Variants in PSTK observed in about 807,000 individuals in gnomAD.
The protein encoded by PSTK is phosphoseryl-tRNA kinase, also known as L-seryl-tRNA(Sec) kinase.
Under a neutral mutation model 38.6 loss-of-function variants are expected in PSTK, and 26 were observed. The ratio of observed to expected loss-of-function variants is 0.67; its 90% confidence interval spans 0.49 to 0.94. PSTK has a LOEUF of 0.94. PSTK is among the 40% of genes least tolerant of loss of function. The pLI is 0.00. For missense variants in PSTK, 445 were observed against 436.3 expected (o/e 1.02, Z -0.18); for synonymous variants, 181 against 161.7 (o/e 1.12, Z -0.91).
chr10:122,988,429 G>A (rs1849064804), intron 5 of PSTK, among the ~76,000 whole-genome samples: 1 of 151,914 alleles, frequency 6.6e-6, no homozygotes, highest in African/African-American at 2.4e-5. Flanking sequence ...TTGGGGTCAG[G>A]GGAGGTAGTA....
Position 122,983,445 on chromosome 10 carries a change from A to T in PSTK, c.682A>T (p.Ser228Cys), listed in dbSNP as rs1211370541. 6.2e-7 allele frequency: 1 copy of T among 1,613,632 alleles called. No homozygotes were observed. The highest frequency in any genetic ancestry group is 1.7e-5 in the Admixed American group (1 of 60,024). The change falls in exon 3 of 6, where the codon AGT becomes TGT. Residue 228 changes from serine (S) to cysteine (C), a missense_variant. Ser to Cys is a moderately radical substitution (Grantham distance 112, BLOSUM62 -1). Coordinates refer to ENST00000406217, the MANE Select transcript of PSTK (RefSeq NM_001363531.2). ...GGAACACAACAGCCTCACAATTCCG[A>T]GTCCAGCATGTGCTTCGGAGGCCAG... ...AWEHNSLTIP[S>C]PACASEASLE... is the part of the protein sequence containing the mutation.
chr10:122,981,019 A>G (rs955027836), intron 1 of PSTK, among the ~76,000 whole-genome samples: 6 of 152,240 alleles, frequency 3.9e-5, no homozygotes, highest in African/African-American at 1.4e-4. Context: ...TCAGCGTGCA[A>G]GGTGGAAAGC....
intron 3 of PSTK, 184 bp downstream of exon 3, chr10:122,983,654 T>G (rs1216977188): frequency 6.7e-6 from 4 of 593,528 alleles, no homozygotes; most frequent in Non-Finnish European, 1.2e-5. Context: ...GAACCCAAGT[T>G]TATTTGCAAA....
At chr10:122,987,540 T>G in intron 5 of PSTK, 1 of 1,605,356 alleles carries the variant, frequency 6.2e-7, no homozygotes, top group Non-Finnish European at 8.5e-7. Flanking sequence ...GGGCCAGGTG[T>G]AAGATCAGCA....
intron 5 of PSTK, among the ~76,000 whole-genome samples, chr10:122,988,693 C>T (rs1849067996): frequency 6.6e-6 from 1 of 152,150 alleles, no homozygotes; most frequent in African/African-American, 2.4e-5. Flanking sequence ...GATAGCACTT[C>T]ACACCCACTA....
Position 122,980,894 on chromosome 10 carries a change from G to GT in PSTK, c.216+201dup. 1.2e-6 allele frequency: 1 copy of GT among 855,420 alleles called. No individual in the cohort carries two copies. 53.0% of individuals were successfully genotyped at this position (855,420 alleles called of 1,614,324 possible). A position where few individuals can be genotyped will look rare whatever the true frequency, so the allele number is the denominator to read the frequency against. Reference sequence around the variant, plus strand: ...GTGAATGCGTTGGCTGTAGAAAGTGGTTACAAAGCCAACTGTTAGAACGAT... The same window carrying GT: ...GTGAATGCGTTGGCTGTAGAAAGTGGTTTACAAAGCCAACTGTTAGAACGAT... On this transcript the variant is annotated intron_variant, in intron 1 of 5. Transcript: ENST00000406217. The surrounding 1 kb of genome is among the most constrained non-coding windows in gnomAD (Gnocchi z 4.3).
At chr10:122,990,102 T>C in intron 5 of PSTK, 72 bp from the exon 6 acceptor site, 2 of 998,802 alleles carry the variant, frequency 2.0e-6, no homozygotes, top group East Asian at 5.6e-5. Flanking sequence ...TCAAATTAAT[T>C]TCCTAATGTC....
intron 5 of PSTK, chr10:122,987,216 C>T: frequency 7.3e-7 from 1 of 1,369,684 alleles, no homozygotes. Context: ...CGGCAGGGAG[C>T]AGAACATTCT....
chr10:122,982,508 C>G (rs1483827767), intron 1 of PSTK: 1 of 542,104 alleles, frequency 1.8e-6, no homozygotes, highest in African/African-American at 1.9e-5. Context: ...GAGCTGCCTT[C>G]TGCATGGTTG....
At chr10:122,987,640 T>C in intron 5 of PSTK, 1 of 1,328,824 alleles carries the variant, frequency 7.5e-7, no homozygotes, top group Non-Finnish European at 1.0e-6. Flanking sequence ...AGTAATTCCA[T>C]TAGGTTTTGA....
chr10:122,983,065 T>C (rs751383096), intron 2 of PSTK, 41 bp downstream of exon 2: 5 of 1,529,040 alleles, frequency 3.3e-6, no homozygotes, highest in Admixed American at 3.8e-5. Context: ...GAGATACTTA[T>C]TCACGTATCA....
rs895217701 is a variant in PSTK, at chr10:122,980,453, C to G, written c.-27C>G. 1.3e-6 allele frequency: 2 copies of G among 1,565,302 alleles called. No individual in the cohort carries two copies. The highest frequency in any genetic ancestry group is 3.6e-5 in the Admixed American group (2 of 56,018). On this transcript the variant is annotated 5_prime_UTR_variant, in exon 1 of 6. Coordinates refer to ENST00000406217, the MANE Select transcript of PSTK (RefSeq NM_001363531.2). This position sits in a 1 kb window ranked among gnomAD's most constrained non-coding sequence, Gnocchi z 4.3. ...GACGGTAGAGCGGAGACGACGCTCCCAGACTCCTCCGGTCTCCCCGGGCAG... is the reference window on the plus strand; with the variant it reads ...GACGGTAGAGCGGAGACGACGCTCCGAGACTCCTCCGGTCTCCCCGGGCAG...
intron 5 of PSTK, among the ~76,000 whole-genome samples, 154 bp from the exon 6 acceptor site, chr10:122,990,020 A>G (rs147500963): frequency 6.6e-5 from 10 of 152,350 alleles, no homozygotes; most frequent in Non-Finnish European, 1.5e-4. Flanking sequence ...TGAGTATCAC[A>G]TTGAGACCTT....
chr10:122,984,783 T>G (rs1849013494), intron 3 of PSTK: 1 of 152,264 alleles, frequency 6.6e-6, no homozygotes, highest in Non-Finnish European at 1.5e-5. Flanking sequence ...ACTGGCTGAA[T>G]AGTCACTAAA....
At chr10:122,988,312 G>A (rs567006910) in intron 5 of PSTK, among the ~76,000 whole-genome samples, 4 of 151,976 alleles carry the variant, frequency 2.6e-5, no homozygotes, top group Non-Finnish European at 5.9e-5. Context: ...GGTCCTGGGG[G>A]ATTGTGGGGG....
chr10:122,983,167 C>T (rs3736584), intron 2 of PSTK, 105 bp from the exon 3 acceptor site: 804,947 of 1,218,940 alleles, frequency 0.66, 268,981 homozygotes, highest in Non-Finnish European at 0.68. Flanking sequence ...GTATTGCAAA[C>T]GGAGTTTTTC....
Position 122,980,801 on chromosome 10 carries a change from C to T in PSTK, c.216+106C>T. The T allele has an allele frequency of 7.8e-7, 1 of 1,287,670 alleles. No individual in the cohort carries two copies. Among genetic ancestry groups the T allele is most frequent in the Non-Finnish European group, 9.8e-7 (1 of 1,023,284 alleles). The allele number at this position is 1,287,670 out of a possible 1,614,324, so 79.8% of individuals were successfully genotyped here. ...GGTCCTGGGTGATTTGCCATGAGCG[C>T]CCATTGCTTGGTGTGGGAGGTGAAG... is the stretch of plus-strand genomic sequence containing the variant. On this transcript the variant is annotated intron_variant, in intron 1 of 5. Coordinates refer to ENST00000406217, the MANE Select transcript of PSTK (RefSeq NM_001363531.2). The surrounding 1 kb of genome is among the most constrained non-coding windows in gnomAD (Gnocchi z 4.3).
chr10:122,986,947 A>G lies in PSTK; in HGVS notation c.862A>G (p.Met288Val). 2 of 1,609,378 alleles carry G rather than the reference A, an allele frequency of 1.2e-6. No homozygotes were observed. The highest frequency in any genetic ancestry group is 1.7e-6 in the Non-Finnish European group (2 of 1,175,832). Residue 288 changes from methionine (M) to valine (V), a missense_variant, in exon 5 of 6, where the codon ATG becomes GTG. By Grantham distance (21) the Met-to-Val change is conservative. Coordinates refer to ENST00000406217, the MANE Select transcript of PSTK (RefSeq NM_001363531.2). ...ACTCCGAAGGATTGTATCTCAGACA[A>G]TGAAGGAAGCAAAAGGTATGATGTG... ...QTLRRIVSQTMKEAKDEQVLP... is the reference protein window; with the variant it reads ...QTLRRIVSQTVKEAKDEQVLP...
intron 3 of PSTK, chr10:122,983,952 G>A (rs1849000886): frequency 6.5e-6 from 1 of 153,446 alleles, no homozygotes; most frequent in African/African-American, 2.4e-5. Context: ...CATATTTCTA[G>A]CAGAAACTTC....
Sources: gnomAD v4.1 joint callset for allele counts (sites outside exome capture counted in the v4.1 genomes callset) on GRCh38, gnomAD v4.1.1 for gene constraint, Gnocchi (gnomAD v3.1) non-coding constraint, MANE v1.5 for transcripts, NCBI Gene and HGNC (gene_info 2026-07-23, HGNC 2026-07-21) for gene names.